Variants in WWOX observed in about 807,000 individuals in gnomAD.
WWOX encodes the protein WW domain containing oxidoreductase, also known as WW domain-containing oxidoreductase.
A neutral mutation model predicts 46.2 loss-of-function variants in WWOX; 69 were observed. The ratio of observed to expected loss-of-function variants is 1.49; its 90% confidence interval spans 1.23 to 1.82. WWOX has a LOEUF of 1.82. WWOX is among the 40% of genes most tolerant of loss of function. The probability of loss-of-function intolerance (pLI) is 0.00; values close to 1 mark genes in which losing one functional copy is unlikely to be tolerated. For synonymous variants in WWOX, 359 were observed against 202.6 expected (o/e 1.77, Z -6.56); for missense variants, 919 against 542.6 (o/e 1.69, Z -6.89).
chr16:78,902,987 G>A (rs2044867729), intron 8 of WWOX, among the ~76,000 whole-genome samples: 1 of 152,214 alleles, frequency 6.6e-6, no homozygotes, highest in South Asian at 2.1e-4. Context: ...TACCAGCGGA[G>A]GGTGTCCGGG....
At chr16:78,677,204 C>G (rs1348909860) in intron 8 of WWOX, among the ~76,000 whole-genome samples, 2 of 152,088 alleles carry the variant, frequency 1.3e-5, no homozygotes, top group Non-Finnish European at 2.9e-5. Flanking sequence ...GGCAATCAGG[C>G]TCTTCTCAAA....
chr16:79,102,061 A>AG (rs1166708955), intron 8 of WWOX, among the ~76,000 whole-genome samples: 8 of 7,442 alleles, frequency 1.1e-3, no homozygotes, highest in Non-Finnish European at 2.2e-3. Flanking sequence ...AGTAGGGGGG[A>AG]GGGGGGGAGG....
In WWOX at chr16:78,425,075, T is replaced by G. The variant is rs2083045368; in HGVS notation, c.791+20T>G. On this transcript the variant is annotated intron_variant, in intron 7 of 8. Coordinates refer to ENST00000566780, the MANE Select transcript of WWOX (RefSeq NM_016373.4). ...CCATCGGTGGGTTTGAATTGCATATTTGTTCACTTATCCCCTTTCTCATAC... is the reference window on the plus strand; with the variant it reads ...CCATCGGTGGGTTTGAATTGCATATGTGTTCACTTATCCCCTTTCTCATAC... The G allele has an allele frequency of 6.2e-7, 1 of 1,612,502 alleles. No individual in the cohort carries two copies. The highest frequency in any genetic ancestry group is 2.0e-4 in the Middle Eastern group (1 of 4,966).
At chr16:78,723,629 T>TTTTTC (rs1236141282) in intron 8 of WWOX, among the ~76,000 whole-genome samples, 8 of 90,344 alleles carry the variant, frequency 8.9e-5, no homozygotes, top group African/African-American at 1.4e-4. Flanking sequence ...TTTCTTTTCT[T>TTTTTC]TTTTCTTTTC....
intron 8 of WWOX, among the ~76,000 whole-genome samples, chr16:79,132,947 C>T (rs1186996847): frequency 6.6e-6 from 1 of 152,174 alleles, no homozygotes; most frequent in Non-Finnish European, 1.5e-5. Flanking sequence ...CTGAGTTTCG[C>T]CTCCTCGATC....
intron 4 of WWOX, among the ~76,000 whole-genome samples, chr16:78,132,890 C>T (rs1312148679): frequency 1.3e-5 from 2 of 152,154 alleles, no homozygotes; most frequent in Admixed American, 1.3e-4. Flanking sequence ...TTCCCAGCTT[C>T]TCAAATGGGG....
At chr16:78,442,386 C>G (rs1188904062) in intron 8 of WWOX, among the ~76,000 whole-genome samples, 1 of 152,058 alleles carries the variant, frequency 6.6e-6, no homozygotes, top group Non-Finnish European at 1.5e-5. Context: ...AGAATGTATT[C>G]ATTCTGTCTA....
At chr16:78,405,977 T>C (rs1027148148) in intron 6 of WWOX, among the ~76,000 whole-genome samples, 3 of 152,122 alleles carry the variant, frequency 2.0e-5, no homozygotes, top group Non-Finnish European at 4.4e-5. Flanking sequence ...TATGCACATA[T>C]CATGCAAAAG....
At chr16:78,698,515 G>A (rs13332987) in intron 8 of WWOX, among the ~76,000 whole-genome samples, 3,159 of 152,176 alleles carry the variant, frequency 0.021, 115 homozygotes, top group African/African-American at 0.072. Flanking sequence ...TTTAGCAGTC[G>A]TTTTGAGGAG....
chr16:78,795,031 C>T (rs768016164), intron 8 of WWOX, among the ~76,000 whole-genome samples: 6 of 152,184 alleles, frequency 3.9e-5, no homozygotes, highest in Admixed American at 6.6e-5. Flanking sequence ...GATCTTTGAG[C>T]TGGCGATTTT....
intron 8 of WWOX, among the ~76,000 whole-genome samples, chr16:78,886,885 G>T (rs2044470062): frequency 6.6e-6 from 1 of 151,910 alleles, no homozygotes; most frequent in Non-Finnish European, 1.5e-5. Flanking sequence ...ACAGATACAG[G>T]GGCAAGGCTA....
chr16:78,915,166 G>C (rs1273495977), intron 8 of WWOX, among the ~76,000 whole-genome samples: 1 of 152,068 alleles, frequency 6.6e-6, no homozygotes, highest in South Asian at 2.1e-4. Context: ...TTTTCTTCAT[G>C]TGCCTCCCCA....
intron 8 of WWOX, among the ~76,000 whole-genome samples, chr16:78,434,143 T>G (rs1443279664): frequency 6.6e-6 from 1 of 152,052 alleles, no homozygotes; most frequent in Non-Finnish European, 1.5e-5. Flanking sequence ...TAGGAGGAGG[T>G]AAGTAAGTAT....
chr16:78,473,580 G>C (rs139692725), intron 8 of WWOX, among the ~76,000 whole-genome samples: 18 of 143,586 alleles, frequency 1.3e-4, no homozygotes, highest in African/African-American at 5.1e-4. Context: ...GAGCAGACGT[G>C]ATTCAGGGGA....
At chr16:78,332,564 T>C (rs1012502524) in intron 5 of WWOX, among the ~76,000 whole-genome samples, 9 of 152,324 alleles carry the variant, frequency 5.9e-5, no homozygotes, top group African/African-American at 1.4e-4. Flanking sequence ...CATCCATTTG[T>C]CCACCCCAAG....
Position 78,296,344 on chromosome 16 carries a change from T to C in WWOX, c.517-90516T>C, listed in dbSNP as rs182877067. 7.9e-5 allele frequency among the ~76,000 whole-genome samples: 12 copies of C among 152,136 alleles called. No homozygotes were observed. In the East Asian group the frequency reaches 2.1e-3, roughly 27 times the overall value. On this transcript the variant is annotated intron_variant, in intron 5 of 8. Coordinates refer to ENST00000566780, the MANE Select transcript of WWOX (RefSeq NM_016373.4). The stretch of plus-strand genomic sequence containing the variant: ...ATGAAAATGTAACTTAGTCTTATTA[T>C]TGTAATCTCCCCTTGCCTTTTTGCA...
At chr16:78,811,466 C>G (rs866570817) in intron 8 of WWOX, among the ~76,000 whole-genome samples, 13 of 151,874 alleles carry the variant, frequency 8.6e-5, no homozygotes, top group Admixed American at 2.0e-4. Flanking sequence ...TTTCCTTTCT[C>G]CTCTCCTGTC....
chr16:78,135,909 A>G lies in WWOX; in HGVS notation c.409+20755A>G, dbSNP rs774597675. 3.6e-4 allele frequency among the ~76,000 whole-genome samples: 55 copies of G among 152,282 alleles called. No homozygotes were observed. In the Middle Eastern group the frequency reaches 0.01, roughly 28 times the overall value. ...TAGCTGGAATTTATTCAGCATGCAA[A>G]TGTGGGTGGGTGATTGTTTTATAGA... On this transcript the variant is annotated intron_variant, in intron 4 of 8. Transcript: ENST00000566780.
chr16:78,833,169 G>C (rs1266172879), intron 8 of WWOX, among the ~76,000 whole-genome samples: 1 of 151,906 alleles, frequency 6.6e-6, no homozygotes, highest in East Asian at 1.9e-4. Context: ...TGCCTGCCAA[G>C]TATCTGGGAC....
Sources: gnomAD v4.1 joint callset for allele counts (sites outside exome capture counted in the v4.1 genomes callset) on GRCh38, gnomAD v4.1.1 for gene constraint, MANE v1.5 for transcripts, NCBI Gene and HGNC (gene_info 2026-07-23, HGNC 2026-07-21) for gene names.